The following KDM3B variants were observed in gnomAD, a reference collection of about 807,000 sequenced individuals.
KDM3B encodes lysine-specific demethylase 3B.
Under a neutral mutation model 170.0 loss-of-function variants are expected in KDM3B, and 10 were observed. The observed-to-expected ratio is 0.06, with a 90% CI of 0.04 to 0.10. The LOEUF is 0.10. Ranked by LOEUF, KDM3B falls within the 10% of genes least tolerant of loss-of-function variation. The pLI is 1.00. For missense variants in KDM3B, 1,394 were observed against 2,195.2 expected (o/e 0.64, Z 7.29); for synonymous variants, 831 against 834.8 (o/e 1.00, Z 0.08).
chr5:138,393,437 C>T (rs1036955300), intron 9 of KDM3B, 65 bp downstream of exon 9: 23 of 1,295,708 alleles, frequency 1.8e-5, no homozygotes, highest in Non-Finnish European at 2.4e-5. Flanking sequence ...TCCACTCTTT[C>T]TCTGAGTCTA....
intron 11 of KDM3B, among the ~76,000 whole-genome samples, chr5:138,414,009 C>T (rs538769361): frequency 6.6e-6 from 1 of 152,284 alleles, no homozygotes; most frequent in African/African-American, 2.4e-5. Flanking sequence ...TGATACATTG[C>T]TGCCATGGAA....
intron 18 of KDM3B, 25 bp downstream of exon 18, chr5:138,427,090 C>G (rs2127002727): frequency 1.9e-6 from 3 of 1,610,864 alleles, no homozygotes; most frequent in Middle Eastern, 3.3e-4. Flanking sequence ...GTGGTGTCAT[C>G]TTCAGAAGCC....
chr5:138,379,306 A>G (rs1231864758), intron 4 of KDM3B, among the ~76,000 whole-genome samples: 2 of 152,176 alleles, frequency 1.3e-5, no homozygotes, highest in African/African-American at 2.4e-5. Context: ...TACTTGCAGA[A>G]CTGGAAGATT....
intron 7 of KDM3B, among the ~76,000 whole-genome samples, chr5:138,386,878 A>G (rs2126943120): frequency 6.6e-6 from 1 of 152,354 alleles, no homozygotes; most frequent in South Asian, 2.1e-4. Context: ...GACATGTTAA[A>G]GTAGATCTGG....
At chr5:138,416,595 A>G (rs1162838762) in intron 12 of KDM3B, among the ~76,000 whole-genome samples, 1 of 150,982 alleles carries the variant, frequency 6.6e-6, no homozygotes, top group Admixed American at 6.6e-5. Flanking sequence ...TCTCAAAAAA[A>G]AAAAAAAAAA....
In KDM3B at chr5:138,377,819, A is replaced by G; in HGVS notation, c.574A>G (p.Ser192Gly). Residue 192 changes from serine (S) to glycine (G), a missense_variant, in exon 4 of 24, where the codon AGC becomes GGC. By Grantham distance (56) the Ser-to-Gly change is moderately conservative (BLOSUM62 0). This residue lies in a region of KDM3B where 166 missense variants were observed against 216.4 expected (regional missense o/e 0.77). Coordinates refer to ENST00000314358, the MANE Select transcript of KDM3B (RefSeq NM_016604.4). ...ISDQKLQEIF[S>G]RGPYSVQGHR... is the part of the protein sequence containing the mutation. ...TGACCAAAAGCTACAAGAGATATTC[A>G]GCCGAGGTAAGAACGGATAGTCTTC... 1 of 1,609,946 alleles carries G rather than the reference A, an allele frequency of 6.2e-7. No individual in the cohort carries two copies. The highest frequency in any genetic ancestry group is 8.5e-7 in the Non-Finnish European group (1 of 1,176,272).
intron 7 of KDM3B, among the ~76,000 whole-genome samples, chr5:138,387,563 C>T (rs553063043): frequency 2.6e-5 from 4 of 152,242 alleles, no homozygotes; most frequent in South Asian, 4.1e-4. Flanking sequence ...ACATGACAAA[C>T]GTGACTTCTT....
Position 138,431,532 on chromosome 5 carries a change from T to C in KDM3B, c.5178T>C (p.Thr1726=), listed in dbSNP as rs750589952. 1.2e-6 allele frequency: 2 copies of C among 1,607,690 alleles called. No individual in the cohort carries two copies. Among genetic ancestry groups the C allele is most frequent in the Non-Finnish European group, 1.7e-6 (2 of 1,177,614 alleles). Residue 1726 remains threonine (T), a synonymous_variant, in exon 23 of 24, where the codon ACT becomes ACC. Transcript: ENST00000314358. ...AGGAATTCAGGCATCTCTCTAACACTCATACAAATCATGAGGATAAACTGC... is the reference window on the plus strand; with the variant it reads ...AGGAATTCAGGCATCTCTCTAACACCCATACAAATCATGAGGATAAACTGC... The part of the protein sequence containing the change: ...LTQEFRHLSN[T]HTNHEDKLQV...
Position 138,375,149 on chromosome 5 carries a change from T to C in KDM3B, c.417T>C (p.Tyr139=), listed in dbSNP as rs1761964992. The change falls in exon 3 of 24, where the codon TAT becomes TAC. Residue 139 remains tyrosine (Y), a synonymous_variant. Coordinates refer to ENST00000314358, the MANE Select transcript of KDM3B (RefSeq NM_016604.4). ...TGGGTTCTGTGGTTCCAGTGGAATA[T>C]CTTCTGGATCGAGAGCTTCGGTTCC... ...LGLGSVVPVE[Y]LLDRELRFLS... The C allele has an allele frequency of 6.2e-7, 1 of 1,613,854 alleles. No individual in the cohort carries two copies. The highest frequency in any genetic ancestry group is 1.7e-5 in the Admixed American group (1 of 59,988).
chr5:138,417,358 A>C, intron 12 of KDM3B, 125 bp from the exon 13 acceptor site: 1 of 945,498 alleles, frequency 1.1e-6, no homozygotes. Context: ...AAATTGAAGT[A>C]AAAGCAGCTA....
At position 138,386,888 on chromosome 5, in the gene KDM3B, G is replaced by A. The variant is rs77111695; in HGVS notation, c.1380+267G>A. On this transcript the variant is annotated intron_variant, in intron 7 of 23. Coordinates refer to ENST00000314358, the MANE Select transcript of KDM3B (RefSeq NM_016604.4). ...TTAAAGACATGTTAAAGTAGATCTG[G>A]TGGGGAATGTTTTAAATTCTATTAT... Among the ~76,000 whole-genome samples the A allele has an allele frequency of 5.4e-3, 827 of 152,322 alleles. 12 individuals carry two copies. The highest frequency in any genetic ancestry group is 0.019 in the African/African-American group (798 of 41,558).
chr5:138,401,195 C>T (rs1000737526), intron 11 of KDM3B, among the ~76,000 whole-genome samples: 7 of 148,142 alleles, frequency 4.7e-5, no homozygotes, highest in Admixed American at 1.4e-4. Context: ...CGCTTGAACC[C>T]GGGAGACGGA....
At chr5:138,375,307 A>G (rs1002309007) in intron 3 of KDM3B, 101 bp downstream of exon 3, 15 of 507,454 alleles carry the variant, frequency 3.0e-5, no homozygotes, top group African/African-American at 2.3e-4. Context: ...GGGTGGGAAC[A>G]TATTAGCATT....
chr5:138,425,873 G>T (rs773238231), intron 17 of KDM3B: 23 of 223,132 alleles, frequency 1.0e-4, no homozygotes, highest in Non-Finnish European at 1.8e-4. Flanking sequence ...GGGTATGGTG[G>T]TGTGTGCCTA....
At chr5:138,370,972 C>A (rs1160935454) in intron 1 of KDM3B, among the ~76,000 whole-genome samples, 1 of 152,058 alleles carries the variant, frequency 6.6e-6, no homozygotes, top group African/African-American at 2.4e-5. Flanking sequence ...TCATACCCAG[C>A]TAATTTTTGT....
At chr5:138,428,778 C>T (rs1194178098) in intron 20 of KDM3B, among the ~76,000 whole-genome samples, 1 of 152,012 alleles carries the variant, frequency 6.6e-6, no homozygotes, top group African/African-American at 2.4e-5. Flanking sequence ...AAAGCCAGGA[C>T]CTTCATAAAA....
intron 7 of KDM3B, 144 bp downstream of exon 7, chr5:138,386,765 C>T (rs1762274226): frequency 1.8e-6 from 2 of 1,102,782 alleles, no homozygotes; most frequent in Non-Finnish European, 2.6e-6. Flanking sequence ...AAGGCCTTTA[C>T]TGCTCACTGG....
chr5:138,428,543 T>C (rs1214166042), intron 20 of KDM3B, among the ~76,000 whole-genome samples: 2 of 152,210 alleles, frequency 1.3e-5, no homozygotes, highest in African/African-American at 4.8e-5. Flanking sequence ...CTGGTGGCTT[T>C]TTCTTGTTTC....
At chr5:138,353,276 C>G (rs920437750) in intron 1 of KDM3B, among the ~76,000 whole-genome samples, 1 of 152,234 alleles carries the variant, frequency 6.6e-6, no homozygotes, top group African/African-American at 2.4e-5. Context: ...GGCGTTCCCC[C>G]CAACACGCCT....
Sources: gnomAD v4.1 joint callset for allele counts (sites outside exome capture counted in the v4.1 genomes callset) on GRCh38, gnomAD v4.1.1 for gene constraint, gnomAD v4.1.1 regional missense constraint, MANE v1.5 for transcripts, NCBI Gene and HGNC (gene_info 2026-07-23, HGNC 2026-07-21) for gene names.